The following MAP4 variants were observed in gnomAD, a reference collection of about 807,000 sequenced individuals.
MAP4 encodes microtubule associated protein 4.
Under a neutral mutation model 170.2 loss-of-function variants are expected in MAP4, and 76 were observed. The observed-to-expected ratio is 0.45, with a 90% CI of 0.37 to 0.54. The LOEUF is 0.54. Ranked by LOEUF, MAP4 falls within the 20% of genes least tolerant of loss-of-function variation. The probability of loss-of-function intolerance (pLI) is 0.00; values close to 1 mark genes in which losing one functional copy is unlikely to be tolerated. For missense variants in MAP4, 2,506 were observed against 2,748.0 expected, an observed-to-expected ratio of 0.91 and a Z score of 1.97; for synonymous variants, 909 against 994.5, an observed-to-expected ratio of 0.91 and a Z score of 1.62.
At chr3:47,903,879 C>T (rs1171975280) in intron 9 of MAP4, among the ~76,000 whole-genome samples, 3 of 152,150 alleles carry the variant, frequency 2.0e-5, no homozygotes, top group South Asian at 2.1e-4. Context: ...ACTCTCTGGA[C>T]AATAAAATGC....
intron 1 of MAP4, among the ~76,000 whole-genome samples, chr3:48,048,358 C>T (rs1466260675): frequency 6.6e-6 from 1 of 151,906 alleles, no homozygotes; most frequent in Non-Finnish European, 1.5e-5. Flanking sequence ...GCCTCCTAAC[C>T]ACACCTAGTA....
At position 47,875,562 on chromosome 3, in the gene MAP4, T is replaced by C; in HGVS notation, c.5757+123A>G. On this transcript the variant is annotated intron_variant, in intron 12 of 20. Coordinates refer to ENST00000683076, the MANE Select transcript of MAP4 (RefSeq NM_001385682.1). ...AATTTTCAAATCACCCTCTCCCCCA[T>C]TTCCCTTGCCTTTTCCCAATTCCAC... The C allele has an allele frequency of 5.4e-6, 5 of 932,064 alleles. No homozygotes were observed. The South Asian group carries it at 7.6e-5, about 14-fold the overall frequency. The allele number at this position is 932,064 out of a possible 1,614,324, so 57.7% of individuals were successfully genotyped here. A position where few individuals can be genotyped will look rare whatever the true frequency, so the allele number is the denominator to read the frequency against.
chr3:47,963,724 A>G (rs1489219504), intron 3 of MAP4, among the ~76,000 whole-genome samples: 1 of 152,224 alleles, frequency 6.6e-6, no homozygotes, highest in Non-Finnish European at 1.5e-5. Flanking sequence ...CCAAAACAAA[A>G]GCCCTGTCCC....
intron 1 of MAP4, among the ~76,000 whole-genome samples, chr3:48,066,022 A>T (rs1417301160): frequency 6.6e-6 from 1 of 152,264 alleles, no homozygotes; most frequent in East Asian, 1.9e-4. Flanking sequence ...ATACTAATAA[A>T]CATACAAACA....
intron 10 of MAP4, among the ~76,000 whole-genome samples, chr3:47,882,524 G>A (rs1292257754): frequency 6.6e-6 from 1 of 151,426 alleles, no homozygotes; most frequent in Non-Finnish European, 1.5e-5. Flanking sequence ...AAAAGCTTTT[G>A]AGTATATTGC....
At chr3:47,922,419 C>T (rs2100043460) in intron 4 of MAP4, among the ~76,000 whole-genome samples, 2 of 151,996 alleles carry the variant, frequency 1.3e-5, no homozygotes. Flanking sequence ...AGATAGCCAA[C>T]AAATGCATAA....
rs755375653 is a variant in MAP4, at chr3:47,891,053, G to A, written c.5434+11897C>T. The A allele has an allele frequency of 3.5e-5, 52 of 1,504,344 alleles. 1 individual carries two copies. The South Asian group carries it at 5.4e-4, about 16-fold the overall frequency. The allele number at this position is 1,504,344 out of a possible 1,614,324, so 93.2% of individuals were successfully genotyped here. A position where few individuals can be genotyped will look rare whatever the true frequency, so the allele number is the denominator to read the frequency against. Reference sequence around the variant, plus strand: ...ACGTGGGGGCTTTTCAAACAGGAACGATGGAGTGCTCTGGGTTGCAGTGAC... The same window carrying A: ...ACGTGGGGGCTTTTCAAACAGGAACAATGGAGTGCTCTGGGTTGCAGTGAC... On this transcript the variant is annotated intron_variant, in intron 10 of 20. Coordinates refer to ENST00000683076, the MANE Select transcript of MAP4 (RefSeq NM_001385682.1).
chr3:48,033,759 G>A (rs2100117372), intron 1 of MAP4, among the ~76,000 whole-genome samples: 1 of 151,946 alleles, frequency 6.6e-6, no homozygotes, highest in East Asian at 1.9e-4. Context: ...CGCCACCACA[G>A]CCAGCTAGTT....
chr3:47,906,888 T>G (rs999068290), intron 9 of MAP4, among the ~76,000 whole-genome samples: 2 of 150,310 alleles, frequency 1.3e-5, no homozygotes, highest in Non-Finnish European at 3.0e-5. Flanking sequence ...CAGGCTGGGG[T>G]GCAGTGGCGC....
intron 3 of MAP4, chr3:47,975,547 C>T (rs2100081548): frequency 3.4e-6 from 3 of 877,162 alleles, no homozygotes; most frequent in Admixed American, 4.0e-5. Flanking sequence ...TAGTAAACAG[C>T]AAGTTCAATA....
intron 3 of MAP4, among the ~76,000 whole-genome samples, chr3:47,967,868 C>T (rs1056390255): frequency 3.3e-5 from 5 of 151,878 alleles, no homozygotes; most frequent in Admixed American, 1.3e-4. Context: ...GAAACTGAGG[C>T]GGGAGGATTA....
chr3:47,922,239 A>G (rs1344013875), intron 4 of MAP4, among the ~76,000 whole-genome samples: 2 of 152,174 alleles, frequency 1.3e-5, no homozygotes, highest in African/African-American at 2.4e-5. Context: ...GTGAGCCACC[A>G]TGCCTGGCCA....
At chr3:48,069,570 C>A (rs1007278549) in intron 1 of MAP4, among the ~76,000 whole-genome samples, 1 of 152,200 alleles carries the variant, frequency 6.6e-6, no homozygotes, top group Non-Finnish European at 1.5e-5. Context: ...AGGCACCCCA[C>A]CTCTGGCTGA....
At chr3:47,936,666 G>T (rs2100053082) in intron 3 of MAP4, among the ~76,000 whole-genome samples, 1 of 151,998 alleles carries the variant, frequency 6.6e-6, no homozygotes, top group African/African-American at 2.4e-5. Context: ...ATATGCTAAA[G>T]AAGGAAAACA....
intron 1 of MAP4, among the ~76,000 whole-genome samples, chr3:48,022,694 T>C (rs1353041477): frequency 1.3e-5 from 2 of 152,014 alleles, no homozygotes; most frequent in Admixed American, 6.6e-5. Context: ...ATGGAGACCA[T>C]CCTAGCCAAC....
intron 12 of MAP4, 133 bp downstream of exon 12, chr3:47,875,552 C>A: frequency 1.2e-6 from 1 of 847,006 alleles, no homozygotes; most frequent in Non-Finnish European, 1.9e-6. Context: ...TCAAATCACC[C>A]TCTCCCCCAT....
At chr3:48,040,522 G>A (rs2100121103) in intron 1 of MAP4, among the ~76,000 whole-genome samples, 1 of 152,106 alleles carries the variant, frequency 6.6e-6, no homozygotes, top group Non-Finnish European at 1.5e-5. Context: ...GCCCGCCTCG[G>A]CCTCCCAAAG....
At chr3:48,084,467 A>G (rs2100148091) in intron 1 of MAP4, among the ~76,000 whole-genome samples, 1 of 152,102 alleles carries the variant, frequency 6.6e-6, no homozygotes, top group African/African-American at 2.4e-5. Context: ...TGACATCCAA[A>G]ATAGTTCACC....
At chr3:48,002,363 C>T (rs1194134944) in intron 1 of MAP4, among the ~76,000 whole-genome samples, 4 of 151,896 alleles carry the variant, frequency 2.6e-5, no homozygotes, top group Non-Finnish European at 5.9e-5. Context: ...GAATTCAAGA[C>T]CAGCTAGGCA....
Sources: gnomAD v4.1 joint callset for allele counts (sites outside exome capture counted in the v4.1 genomes callset) on GRCh38, gnomAD v4.1.1 for gene constraint, MANE v1.5 for transcripts, NCBI Gene and HGNC (gene_info 2026-07-23, HGNC 2026-07-21) for gene names.